The following FMN1 variants were observed in gnomAD, a reference collection of about 807,000 sequenced individuals.
The protein encoded by FMN1 is formin-1.
Under a neutral mutation model 132.4 loss-of-function variants are expected in FMN1, and 110 were observed. The ratio of observed to expected loss-of-function variants is 0.83; its 90% CI spans 0.71 to 0.97. The LOEUF is 0.97. FMN1 is among the 50% of genes least tolerant of loss of function. The pLI, the probability that FMN1 is intolerant of heterozygous loss-of-function variation, is 0.00. For synonymous variants in FMN1, 722 were observed against 651.7 expected, an observed-to-expected ratio of 1.11 and a Z score of -1.64; for missense variants, 1,792 against 1,705.3, an observed-to-expected ratio of 1.05 and a Z score of -0.90.
chr15:33,056,058 C>G (rs796779223), intron 6 of FMN1, among the ~76,000 whole-genome samples: 9 of 152,316 alleles, frequency 5.9e-5, no homozygotes, highest in African/African-American at 2.2e-4. Flanking sequence ...CACCAAATGA[C>G]AAGAATGCGG....
intron 3 of FMN1, among the ~76,000 whole-genome samples, chr15:33,175,077 G>A (rs1030281680): frequency 2.6e-5 from 4 of 151,818 alleles, no homozygotes; most frequent in Non-Finnish European, 5.9e-5. Context: ...GGAAGGTGGA[G>A]TGCAGTGGCA....
chr15:33,047,624 C>T (rs953349954), intron 6 of FMN1, among the ~76,000 whole-genome samples: 4 of 152,074 alleles, frequency 2.6e-5, no homozygotes, highest in Admixed American at 1.3e-4. Context: ...AGGTTTTCTT[C>T]GGTTTTGCAT....
At chr15:33,019,792 C>G (rs2035318496) in intron 6 of FMN1, among the ~76,000 whole-genome samples, 1 of 152,208 alleles carries the variant, frequency 6.6e-6, no homozygotes, top group Admixed American at 6.5e-5. Flanking sequence ...CAAGCCCATG[C>G]CCACTCGGAC....
At chr15:33,133,720 G>T (rs542790290) in intron 4 of FMN1, among the ~76,000 whole-genome samples, 25 of 152,106 alleles carry the variant, frequency 1.6e-4, no homozygotes, top group Non-Finnish European at 3.2e-4. Context: ...GAACATTAAC[G>T]TTTCTACCCG....
Position 32,969,192 on chromosome 15 carries a change from A to C in FMN1, c.2509T>G (p.Ser837Ala). Residue 837 changes from serine (S) to alanine (A), a missense_variant, in exon 8 of 21, where the codon TCT becomes GCT. Ser to Ala is a moderately conservative substitution (Grantham distance 99). Transcript: ENST00000616417. ...TTTGGGGGTGAGAGCTGGCTTAAAG[A>C]GGAGATATTCAGCTTTTTGGGTACT... ...QLVPKKLNIS[S>A]LSQLSPPNDH... 2 of 1,613,850 alleles carry C rather than the reference A, an allele frequency of 1.2e-6. No individual in the cohort carries two copies. Among genetic ancestry groups the C allele is most frequent in the Non-Finnish European group, 8.5e-7 (1 of 1,179,880 alleles).
At chr15:33,084,206 T>C (rs907559857) in intron 5 of FMN1, among the ~76,000 whole-genome samples, 4 of 152,226 alleles carry the variant, frequency 2.6e-5, no homozygotes, top group Non-Finnish European at 5.9e-5. Context: ...AACCTGCTTT[T>C]ACTTTATGGA....
chr15:33,088,048 G>C (rs919175303), intron 5 of FMN1, among the ~76,000 whole-genome samples: 4 of 152,036 alleles, frequency 2.6e-5, no homozygotes, highest in Admixed American at 1.3e-4. Context: ...ATGGACTTTG[G>C]GGACTTGAGG....
intron 6 of FMN1, among the ~76,000 whole-genome samples, chr15:33,016,399 CA>C (rs1234888447): frequency 2.6e-5 from 4 of 152,056 alleles, no homozygotes; most frequent in Non-Finnish European, 4.4e-5. Context: ...CTTATGAAAC[CA>C]AAGTGTGCAG....
chr15:32,953,446 G>T (rs771395512), intron 9 of FMN1, among the ~76,000 whole-genome samples: 6 of 152,176 alleles, frequency 3.9e-5, no homozygotes, highest in African/African-American at 1.2e-4. Flanking sequence ...ATGGTCTCAG[G>T]TTTCCTTTGC....
At chr15:32,848,372 C>T (rs1049824485) in intron 17 of FMN1, among the ~76,000 whole-genome samples, 1 of 150,118 alleles carries the variant, frequency 6.7e-6, no homozygotes, top group South Asian at 2.1e-4. Flanking sequence ...GTGTATTAGA[C>T]TGTCTTGAGC....
intron 17 of FMN1, among the ~76,000 whole-genome samples, chr15:32,851,910 A>G (rs945492505): frequency 1.4e-4 from 21 of 152,226 alleles, no homozygotes; most frequent in Admixed American, 3.3e-4. Context: ...TTAAAACTTT[A>G]TAAGTGATAA....
In FMN1 at chr15:33,154,030, C is replaced by T; in HGVS notation, c.885G>A (p.Leu295=). 1 of 1,536,342 alleles carries T rather than the reference C, an allele frequency of 6.5e-7. No homozygotes were observed. Among genetic ancestry groups the T allele is most frequent in the South Asian group, 1.2e-5 (1 of 84,050 alleles). Residue 295 remains leucine, a synonymous_variant, in exon 4 of 21, where the codon TTG becomes TTA. Transcript: ENST00000616417. ...TCTCAGGGTCCTGGTGACTTTCAGA[C>T]AAACCTGTTTGCTGATGCTCCAGCC... The part of the protein sequence containing the change: ...PSGLEHQQTG[L]SESHQDPEKH...
At chr15:32,992,288 A>T (rs1402047732) in intron 7 of FMN1, among the ~76,000 whole-genome samples, 1 of 152,212 alleles carries the variant, frequency 6.6e-6, no homozygotes, top group Non-Finnish European at 1.5e-5. Context: ...TCAAAACGGG[A>T]ATCAATGTTA....
chr15:33,074,787 A>C (rs1404751330), intron 5 of FMN1, among the ~76,000 whole-genome samples: 1 of 152,026 alleles, frequency 6.6e-6, no homozygotes, highest in African/African-American at 2.4e-5. Context: ...AGGCTGAGGC[A>C]GGCGGATCAC....
intron 17 of FMN1, chr15:32,810,984 G>C: frequency 2.2e-6 from 1 of 456,254 alleles, no homozygotes; most frequent in South Asian, 1.5e-5. Flanking sequence ...GCTTCACGTG[G>C]GATCCGTCTG....
In FMN1 at chr15:33,154,949, C is replaced by T. The variant is rs1399079; in HGVS notation, c.-35G>A. ...CTAATTATTCATGCCTTGGAGATGC[C>T]GGTTTGTGGTCAGGCTTCCCAGGCT... On this transcript the variant is annotated 5_prime_UTR_variant, in exon 4 of 21. Transcript: ENST00000616417. 80,897 of 1,486,994 alleles carry T rather than the reference C, an allele frequency of 0.054. 2,464 individuals are homozygous for T. Among genetic ancestry groups the T allele is most frequent in the Non-Finnish European group, 0.062 (69,788 of 1,121,006 alleles). The allele number at this position is 1,486,994 out of a possible 1,614,324, so 92.1% of individuals were successfully genotyped here. A position where few individuals can be genotyped will look rare whatever the true frequency, so the allele number is the denominator to read the frequency against.
At chr15:32,961,792 A>G (rs2030587087) in intron 9 of FMN1, among the ~76,000 whole-genome samples, 1 of 152,186 alleles carries the variant, frequency 6.6e-6, no homozygotes, top group Non-Finnish European at 1.5e-5. Context: ...AGAGAGTGAA[A>G]GGACCTAGTA....
chr15:32,916,711 T>C (rs1227724001), intron 10 of FMN1, among the ~76,000 whole-genome samples: 3 of 152,208 alleles, frequency 2.0e-5, no homozygotes, highest in Non-Finnish European at 4.4e-5. Flanking sequence ...GGACTAGATA[T>C]AGTCTGGTCC....
intron 7 of FMN1, among the ~76,000 whole-genome samples, chr15:33,006,375 CA>C (rs59858947): frequency 0.019 from 2,831 of 151,774 alleles, 81 homozygotes; most frequent in African/African-American, 0.061. Flanking sequence ...TCGCTATTGC[CA>C]AAAAAAGACA....
Sources: gnomAD v4.1 joint callset for allele counts (sites outside exome capture counted in the v4.1 genomes callset) on GRCh38, gnomAD v4.1.1 for gene constraint, MANE v1.5 for transcripts, NCBI Gene and HGNC (gene_info 2026-07-23, HGNC 2026-07-21) for gene names.